INHBA: variants seen among roughly 807,000 people sequenced by gnomAD.
INHBA encodes the protein inhibin subunit beta A.
A neutral mutation model predicts 29.0 loss-of-function variants in INHBA; 1 was observed. The ratio of observed to expected loss-of-function variants is 0.03; its 90% CI spans 0.01 to 0.16. The LOEUF (loss-of-function observed/expected upper bound fraction) is 0.16. Among genes scored for constraint, INHBA ranks in the 10% least tolerant of loss-of-function variants. INHBA has a pLI of 1.00. For synonymous variants in INHBA, 242 were observed against 216.8 expected (o/e 1.12, Z -1.02); for missense variants, 376 against 545.4 (o/e 0.69, Z 3.09).
chr7:41,701,345 C>G (rs1259667578), intron 1 of INHBA, among the ~76,000 whole-genome samples: 1 of 152,126 alleles, frequency 6.6e-6, no homozygotes, highest in Non-Finnish European at 1.5e-5. Flanking sequence ...TCAGGGGTAA[C>G]AGAGGATTGT....
intron 1 of INHBA, among the ~76,000 whole-genome samples, chr7:41,701,030 C>T (rs1794779447): frequency 6.6e-6 from 1 of 152,076 alleles, no homozygotes; most frequent in Admixed American, 6.6e-5. Flanking sequence ...TCAAATATCA[C>T]CATTTTCGGG....
chr7:41,698,716 C>T (rs1437416091), intron 2 of INHBA, among the ~76,000 whole-genome samples: 1 of 152,168 alleles, frequency 6.6e-6, no homozygotes, highest in East Asian at 1.9e-4. Flanking sequence ...AGCCACACAG[C>T]CAGCAGGCTA....
Position 41,690,350 on chromosome 7 carries a change from T to G in INHBA, c.581A>C (p.Glu194Ala), listed in dbSNP as rs761790185. ...GSLDTGEEAE[E>A]VGLKGERSEL... is the part of the protein sequence containing the mutation. ...ACTCCTCTCCCCCTTTAAGCCCACT[T>G]CCTCGGCCTCTTCCCCTGTGTCCAA... Residue 194 changes from glutamate to alanine, a missense_variant, in exon 3 of 3, where the codon GAA becomes GCA. Physicochemically the swap from Glu to Ala is moderately radical, Grantham distance 107. This residue lies in a region of INHBA where 253 missense variants were observed against 313.4 expected (regional missense o/e 0.81). Transcript: ENST00000242208. 15 of 1,613,930 alleles carry G rather than the reference T, an allele frequency of 9.3e-6. No homozygotes were observed. Among genetic ancestry groups the G allele is most frequent in the African/African-American group, 4.0e-5 (3 of 74,892 alleles).
Position 41,700,369 on chromosome 7 carries a change from G to A in INHBA, c.6C>T (p.Pro2=). The A allele has an allele frequency of 4.1e-6, 6 of 1,461,852 alleles. No homozygotes were observed. The highest frequency in any genetic ancestry group is 5.4e-6 in the Non-Finnish European group (6 of 1,105,980). 90.6% of individuals were successfully genotyped at this position (1,461,852 alleles called of 1,614,324 possible). ...ACAGAAATCCTCTCAGCCAAAGCAA[G>A]GGCATCCTGGCAGCAAAAGTTGTTG... M[P]LLWLRGFLLA... is the part of the protein sequence containing the mutation. The change falls in exon 2 of 3, where the codon CCC becomes CCT. Residue 2 remains proline (P), a synonymous_variant. Coordinates refer to ENST00000242208, the MANE Select transcript of INHBA (RefSeq NM_002192.4).
chr7:41,697,033 A>G (rs983010267), intron 2 of INHBA, among the ~76,000 whole-genome samples: 1 of 152,220 alleles, frequency 6.6e-6, no homozygotes, highest in Non-Finnish European at 1.5e-5. Flanking sequence ...TTAGAGGTAC[A>G]TTATTATTAT....
intron 2 of INHBA, among the ~76,000 whole-genome samples, chr7:41,694,551 G>A (rs1794597819): frequency 1.3e-5 from 2 of 152,182 alleles, no homozygotes; most frequent in Admixed American, 1.3e-4. Context: ...GTACAGGTGC[G>A]ACCTAGGTTC....
At position 41,690,429 on chromosome 7, in the gene INHBA, T is replaced by C; in HGVS notation, c.502A>G (p.Arg168Gly). Residue 168 changes from arginine to glycine, a missense_variant, in exon 3 of 3, where the codon AGG (arginine) becomes GGG (glycine). By Grantham distance (125) the Arg-to-Gly change is moderately radical. Around this residue, in one of 4 missense-constraint regions of INHBA, gnomAD observed 253 missense variants for 313.4 expected, o/e 0.81. Coordinates refer to ENST00000242208, the MANE Select transcript of INHBA (RefSeq NM_002192.4). ...FLKVPKANRTRTKVTIRLFQQ... is the reference protein window; with the variant it reads ...FLKVPKANRTGTKVTIRLFQQ... Reference sequence around the variant, plus strand: ...AAGAGGCGGATGGTGACTTTGGTCCTGGTCCTGTTGGCCTTGGGGACTTTT... The same window carrying C: ...AAGAGGCGGATGGTGACTTTGGTCCCGGTCCTGTTGGCCTTGGGGACTTTT... 1 of 1,614,164 alleles carries C rather than the reference T, an allele frequency of 6.2e-7. No individual in the cohort carries two copies. Among genetic ancestry groups the C allele is most frequent in the Non-Finnish European group, 8.5e-7 (1 of 1,180,040 alleles).
chr7:41,701,299 C>G (rs1794789964), intron 1 of INHBA, among the ~76,000 whole-genome samples: 1 of 152,052 alleles, frequency 6.6e-6, no homozygotes, highest in African/African-American at 2.4e-5. Context: ...GCAGGGAGGT[C>G]CAGTGGACAG....
chr7:41,696,657 C>T (rs891893812), intron 2 of INHBA, among the ~76,000 whole-genome samples: 1 of 152,058 alleles, frequency 6.6e-6, no homozygotes, highest in Non-Finnish European at 1.5e-5. Flanking sequence ...CGGAAGAGAG[C>T]GTGTAACCCC....
intron 1 of INHBA, among the ~76,000 whole-genome samples, chr7:41,701,398 T>A (rs1434667581): frequency 1.3e-5 from 2 of 152,062 alleles, no homozygotes; most frequent in Non-Finnish European, 2.9e-5. Flanking sequence ...TTTCCCCCAA[T>A]TCATTCATAT....
chr7:41,701,846 A>G (rs1794804061), intron 1 of INHBA, among the ~76,000 whole-genome samples: 1 of 152,222 alleles, frequency 6.6e-6, no homozygotes, highest in African/African-American at 2.4e-5. Context: ...GTGCATTCAT[A>G]GACAGCCTCC....
At chr7:41,695,860 C>T (rs1407081721) in intron 2 of INHBA, among the ~76,000 whole-genome samples, 2 of 152,062 alleles carry the variant, frequency 1.3e-5, no homozygotes, top group African/African-American at 2.4e-5. Context: ...TAGGAGATCA[C>T]GTGCAAGTAT....
rs967284436 is a variant in INHBA at position 41,686,904 on chromosome 7, C to G, written c.*2746G>C. 6.6e-6 allele frequency: 1 copy of G among 152,200 alleles called. No homozygotes were observed. Among genetic ancestry groups the G allele is most frequent in the Non-Finnish European group, 1.5e-5 (1 of 68,028 alleles). 9.4% of individuals were successfully genotyped at this position (152,200 alleles called of 1,614,324 possible). A position where few individuals can be genotyped will look rare whatever the true frequency, so the allele number is the denominator to read the frequency against. On this transcript the variant is annotated 3_prime_UTR_variant, in exon 3 of 3. Coordinates refer to ENST00000242208, the MANE Select transcript of INHBA (RefSeq NM_002192.4). ...GTGAACCAGGACTTAATTTCTCACACTGTTTCTGCAGGTTCCGGTACCAAA... is the reference window on the plus strand; with the variant it reads ...GTGAACCAGGACTTAATTTCTCACAGTGTTTCTGCAGGTTCCGGTACCAAA...
rs1173838532 is a variant in INHBA, at chr7:41,700,461, A to ATT, written c.-89_-88dup. ...CGCGCAGGTTTTTTTGTGTGTGTGG[A>ATT]TTTTTTTATTTTTTTTTTTGGTGTT... On this transcript the variant is annotated 5_prime_UTR_variant, in exon 2 of 3. Coordinates refer to ENST00000242208, the MANE Select transcript of INHBA (RefSeq NM_002192.4). 4.4e-6 allele frequency: 5 copies of ATT among 1,134,486 alleles called. No homozygotes were observed. The African/African-American group carries it at 5.1e-5, about 11-fold the overall frequency. 70.3% of individuals were successfully genotyped at this position (1,134,486 alleles called of 1,614,324 possible).
At chr7:41,701,837 T>G (rs1174761243) in intron 1 of INHBA, among the ~76,000 whole-genome samples, 1 of 152,228 alleles carries the variant, frequency 6.6e-6, no homozygotes, top group African/African-American at 2.4e-5. Flanking sequence ...TCCCGACCAG[T>G]GCATTCATAG....
At chr7:41,699,064 A>G (rs1474916530) in intron 2 of INHBA, among the ~76,000 whole-genome samples, 1 of 152,192 alleles carries the variant, frequency 6.6e-6, no homozygotes, top group Non-Finnish European at 1.5e-5. Context: ...TTAACTATAA[A>G]AATAGCCTGG....
At chr7:41,704,315 A>C (rs1432903169), upstream of INHBA, among the ~76,000 whole-genome samples, 1 of 151,934 alleles carries the variant, frequency 6.6e-6, no homozygotes, top group Admixed American at 6.6e-5. Context: ...GGTGGGGGGA[A>C]GGAGTATTCT....
intron 1 of INHBA, 115 bp from the exon 2 acceptor site, chr7:41,700,632 T>A (rs1583600464): frequency 1.2e-5 from 2 of 168,806 alleles, no homozygotes; most frequent in Admixed American, 6.6e-5. Context: ...TGTCTCCGAG[T>A]AAGAGAGAAG....
rs1366486276 is a variant in INHBA at position 41,685,267 on chromosome 7, A to G, written c.*4383T>C. 1 of 152,158 alleles carries G rather than the reference A, an allele frequency of 6.6e-6. No individual in the cohort carries two copies. The highest frequency in any genetic ancestry group is 2.4e-5 in the African/African-American group (1 of 41,450). The allele number at this position is 152,158 out of a possible 1,614,324, so 9.4% of individuals were successfully genotyped here. ...GCCATAGAAATAAATAACTTCTGCT[A>G]TAAACACATGAAAACATATCAAACT... On this transcript the variant is annotated 3_prime_UTR_variant, in exon 3 of 3. Coordinates refer to ENST00000242208, the MANE Select transcript of INHBA (RefSeq NM_002192.4).
Sources: allele counts gnomAD v4.1 joint callset (sites outside exome capture counted in the v4.1 genomes callset), GRCh38; gene constraint gnomAD v4.1.1; regional missense constraint gnomAD v4.1.1; transcripts MANE v1.5; gene names NCBI Gene and HGNC (gene_info 2026-07-23, HGNC 2026-07-21).